The following FUCA1 variants were observed in gnomAD, a reference collection of about 807,000 sequenced individuals.
FUCA1 encodes the protein alpha-L-fucosidase 1.
In FUCA1, 52 loss-of-function variants were observed where a neutral mutation model predicts 56.8. That is an observed-to-expected ratio of 0.92 (90% CI 0.73 to 1.15). FUCA1 has a LOEUF of 1.15. Ranked by LOEUF, FUCA1 falls within the 50% of genes most tolerant of loss-of-function variation. FUCA1 has a pLI of 0.00. For synonymous variants in FUCA1, 230 were observed against 226.6 expected (o/e 1.02, Z -0.14); for missense variants, 568 against 592.6 (o/e 0.96, Z 0.43).
chr1:23,863,834 A>T (rs185694312), intron 2 of FUCA1, among the ~76,000 whole-genome samples: 6 of 152,342 alleles, frequency 3.9e-5, no homozygotes, highest in African/African-American at 1.4e-4. Context: ...CAAAGGCGAC[A>T]GAGTGAGACC....
chr1:23,848,530 C>A, intron 6 of FUCA1, 119 bp downstream of exon 6: 1 of 936,144 alleles, frequency 1.1e-6, no homozygotes, highest in Non-Finnish European at 1.7e-6. Context: ...AGGAAAATAA[C>A]CTTCTGGATT....
At chr1:23,852,445 C>A (rs1044557780) in intron 5 of FUCA1, among the ~76,000 whole-genome samples, 3 of 119,918 alleles carry the variant, frequency 2.5e-5, no homozygotes, top group Non-Finnish European at 3.6e-5. Flanking sequence ...AAAAACTCCC[C>A]TCTCCCTCTC....
intron 6 of FUCA1, 45 bp downstream of exon 6, chr1:23,848,604 T>C (rs1639189198): frequency 6.3e-7 from 1 of 1,583,804 alleles, no homozygotes; most frequent in South Asian, 1.1e-5. Context: ...CAGTTCCGGA[T>C]GGGGCACTGT....
At position 23,863,212 on chromosome 1, in the gene FUCA1, A is replaced by G. The variant is rs1395838505; in HGVS notation, c.584T>C (p.Leu195Pro). Reference sequence around the variant, plus strand: ...TGTTTTGAAGCCATTTTTCTTATCAAGTAGATAGAGTGGATGGAACCACTC... The same window carrying G: ...TGTTTTGAAGCCATTTTTCTTATCAGGTAGATAGAGTGGATGGAACCACTC... ...LLEWFHPLYL[L>P]DKKNGFKTQH... Residue 195 changes from leucine (L) to proline (P), a missense_variant, in exon 3 of 8, where the codon CTT becomes CCT. Leu to Pro is a moderately conservative substitution (Grantham distance 98). Coordinates refer to ENST00000374479, the MANE Select transcript of FUCA1 (RefSeq NM_000147.5). The G allele has an allele frequency of 2.0e-5, 32 of 1,613,832 alleles. No individual in the cohort carries two copies. Among genetic ancestry groups the G allele is most frequent in the Non-Finnish European group, 2.6e-5 (31 of 1,179,966 alleles).
At chr1:23,861,800 C>T (rs895968690) in intron 3 of FUCA1, among the ~76,000 whole-genome samples, 1 of 152,134 alleles carries the variant, frequency 6.6e-6, no homozygotes, top group African/African-American at 2.4e-5. Context: ...GGAGGTGGAA[C>T]TCAAATACAA....
At chr1:23,866,977 G>A (rs193293864) in intron 1 of FUCA1, among the ~76,000 whole-genome samples, 2 of 152,274 alleles carry the variant, frequency 1.3e-5, no homozygotes, top group East Asian at 3.9e-4. Flanking sequence ...TTTAGTACAA[G>A]TGAATTCAAA....
Position 23,854,498 on chromosome 1 carries a change from A to T in FUCA1, c.831T>A (p.Tyr277Ter). ...GTGGCTTGAATTTATCTTCACAGTT[A>T]TAGTATCCTCCATGGTGACAGGAAC... ...QNCSCHHGGY[Y>*]NCEDKFKPQS... is the part of the protein sequence containing the mutation. The change falls in exon 5 of 8, where the codon TAT becomes TAA. Residue 277 changes from tyrosine (Y) to a stop codon, truncating the protein, a stop_gained. Coordinates refer to ENST00000374479, the MANE Select transcript of FUCA1 (RefSeq NM_000147.5). LOFTEE classifies it high-confidence loss of function. 1 of 1,614,066 alleles carries T rather than the reference A, an allele frequency of 6.2e-7. No homozygotes were observed. Among genetic ancestry groups the T allele is most frequent in the Non-Finnish European group, 8.5e-7 (1 of 1,179,934 alleles).
chr1:23,863,211 A>G lies in FUCA1; in HGVS notation c.585T>C (p.Leu195=). Residue 195 remains leucine (L), a synonymous_variant, in exon 3 of 8, where the codon CTT becomes CTC. Coordinates refer to ENST00000374479, the MANE Select transcript of FUCA1 (RefSeq NM_000147.5). Reference sequence around the variant, plus strand: ...GTGTTTTGAAGCCATTTTTCTTATCAAGTAGATAGAGTGGATGGAACCACT... The same window carrying G: ...GTGTTTTGAAGCCATTTTTCTTATCGAGTAGATAGAGTGGATGGAACCACT... The part of the protein sequence containing the change: ...LLEWFHPLYL[L]DKKNGFKTQH... The G allele has an allele frequency of 1.9e-6, 3 of 1,613,946 alleles. No individual in the cohort carries two copies. Among genetic ancestry groups the G allele is most frequent in the Non-Finnish European group, 2.5e-6 (3 of 1,179,988 alleles).
intron 6 of FUCA1, among the ~76,000 whole-genome samples, chr1:23,847,632 ATG>A (rs1346964474): frequency 6.6e-6 from 1 of 152,222 alleles, no homozygotes; most frequent in East Asian, 1.9e-4. Flanking sequence ...CCATGTCATG[ATG>A]TAGCAGGAAG....
At chr1:23,861,350 T>C (rs1570686379) in intron 3 of FUCA1, among the ~76,000 whole-genome samples, 2 of 132,928 alleles carry the variant, frequency 1.5e-5, no homozygotes, top group African/African-American at 5.8e-5. Context: ...AAAAAAAGAA[T>C]GGGTGCAGCA....
At chr1:23,854,282 T>C in intron 5 of FUCA1, 78 bp downstream of exon 5, 1 of 1,237,924 alleles carries the variant, frequency 8.1e-7, no homozygotes. Context: ...TTGCAAGCTT[T>C]TGAACATTAT....
intron 4 of FUCA1, 44 bp downstream of exon 4, chr1:23,859,750 ACTTT>A: frequency 1.6e-6 from 2 of 1,254,048 alleles, no homozygotes; most frequent in Non-Finnish European, 2.3e-6. Context: ...GGCTCCTTGC[ACTTT>A]CTTTCTTCAT....
At position 23,864,087 on chromosome 1, in the gene FUCA1, C is replaced by CTTTT. The variant is rs765991884; in HGVS notation, c.525-820_525-817dup. 8.7e-4 allele frequency among the ~76,000 whole-genome samples: 114 copies of CTTTT among 131,030 alleles called. 1 individual carries two copies. The highest frequency in any genetic ancestry group is 2.0e-3 in the East Asian group (9 of 4,458). The allele number at this position is 131,030 out of a possible 152,430, so 86.0% of individuals were successfully genotyped here. Reference sequence around the variant, plus strand: ...ACTAATAGTTCTTTCTCTTTTTTTCCTTTTTTTTTTTTTTTTTGAGATGGA... The same window carrying CTTTT: ...ACTAATAGTTCTTTCTCTTTTTTTCCTTTTTTTTTTTTTTTTTTTTTGAGATGGA... On this transcript the variant is annotated intron_variant, in intron 2 of 7. Coordinates refer to ENST00000374479, the MANE Select transcript of FUCA1 (RefSeq NM_000147.5).
chr1:23,849,562 A>C (rs1241423263), intron 5 of FUCA1, among the ~76,000 whole-genome samples: 1 of 151,174 alleles, frequency 6.6e-6, no homozygotes, highest in Non-Finnish European at 1.5e-5. Context: ...AAACTGCTAT[A>C]AAGAGATACG....
Position 23,867,804 on chromosome 1 carries a change from A to T in FUCA1, c.389+94T>A. On this transcript the variant is annotated intron_variant, in intron 1 of 7. Transcript: ENST00000374479. This position sits in a 1 kb window ranked among gnomAD's most constrained non-coding sequence, Gnocchi z 4.9. ...CGCGGGCCCCGGGGTCATGGGGGCG[A>T]CCGGCAGCTGCGCGCCCCAGCTGGC... The T allele has an allele frequency of 6.9e-7, 1 of 1,446,332 alleles. No individual in the cohort carries two copies. Among genetic ancestry groups the T allele is most frequent in the Non-Finnish European group, 9.0e-7 (1 of 1,108,798 alleles). 89.6% of individuals were successfully genotyped at this position (1,446,332 alleles called of 1,614,324 possible).
chr1:23,859,720 G>A (rs1190399084), intron 4 of FUCA1, 78 bp downstream of exon 4: 2 of 834,766 alleles, frequency 2.4e-6, no homozygotes, highest in Admixed American at 3.6e-5. Flanking sequence ...CTGCTGCTGT[G>A]GTTGTCTACT....
At chr1:23,849,896 TA>T (rs1366893270) in intron 5 of FUCA1, among the ~76,000 whole-genome samples, 6 of 152,172 alleles carry the variant, frequency 3.9e-5, no homozygotes, top group African/African-American at 1.4e-4. Context: ...ATACATTCTT[TA>T]AGACTTCTGG....
intron 4 of FUCA1, 77 bp downstream of exon 4, chr1:23,859,721 G>A (rs758396948): frequency 7.4e-5 from 63 of 851,716 alleles, no homozygotes; most frequent in Non-Finnish European, 1.1e-4. Flanking sequence ...TGCTGCTGTG[G>A]TTGTCTACTC....
intron 5 of FUCA1, among the ~76,000 whole-genome samples, chr1:23,853,473 G>C (rs547521696): frequency 2.8e-5 from 4 of 144,996 alleles, no homozygotes; most frequent in East Asian, 2.1e-4. Context: ...CCAGCCGCCC[G>C]GTCCGGGAGG....
Sources: gnomAD v4.1 joint callset for allele counts (sites outside exome capture counted in the v4.1 genomes callset) on GRCh38, gnomAD v4.1.1 for gene constraint, Gnocchi (gnomAD v3.1) non-coding constraint, MANE v1.5 for transcripts, NCBI Gene and HGNC (gene_info 2026-07-23, HGNC 2026-07-21) for gene names.